Variants in TEX15 observed in about 807,000 individuals in gnomAD.
TEX15 encodes the protein testis-expressed protein 15.
In TEX15, 171 loss-of-function variants were observed where a neutral mutation model predicts 237.3. The observed-to-expected ratio is 0.72, with a 90% confidence interval of 0.64 to 0.82. The LOEUF (loss-of-function observed/expected upper bound fraction) is 0.82. TEX15 is among the 40% of genes least tolerant of loss of function. TEX15 has a pLI of 0.00. For synonymous variants in TEX15, 1,338 were observed against 1,269.8 expected (o/e 1.05, Z -1.14); for missense variants, 3,750 against 3,646.5 (o/e 1.03, Z -0.73).
chr8:30,871,799 A>C (rs1312056752), intron 4 of TEX15, among the ~76,000 whole-genome samples: 1 of 152,140 alleles, frequency 6.6e-6, no homozygotes, highest in Non-Finnish European at 1.5e-5. Context: ...CACATGGATG[A>C]AATGCCTTCA....
In TEX15 at chr8:30,845,827, GA is replaced by G; in HGVS notation, c.4339del (p.Ser1447ArgfsTer23). 2 of 1,606,562 alleles carry G rather than the reference GA, an allele frequency of 1.2e-6. No individual in the cohort carries two copies. Among genetic ancestry groups the G allele is most frequent in the South Asian group, 2.3e-5 (2 of 88,822 alleles). On this transcript the variant is annotated frameshift_variant, in exon 8 of 11. Coordinates refer to ENST00000643185, the MANE Select transcript of TEX15 (RefSeq NM_001350162.2). LOFTEE classifies it high-confidence loss of function. ...CCGTTTGTCATATTTTCTTTTTGAC[GA>G]AAAATGCTTAGTAGAATAATATTTT... is the stretch of plus-strand genomic sequence containing the variant. ...QRKYYSTKHF[S>X]SKRKYDKRRK...
intron 7 of TEX15, 36 bp from the exon 8 acceptor site, chr8:30,849,352 A>G (rs1807715693): frequency 2.2e-6 from 3 of 1,346,470 alleles, no homozygotes; most frequent in African/African-American, 1.5e-5. Context: ...TTTGAAAAAA[A>G]GTGTTTCTAT....
rs775115572 is a variant in TEX15 at position 30,860,012 on chromosome 8, T to G, written c.586A>C (p.Asn196His). 75 of 1,509,532 alleles carry G rather than the reference T, an allele frequency of 5.0e-5. 1 individual carries two copies. The South Asian group carries it at 9.4e-4, about 19-fold the overall frequency. The allele number at this position is 1,509,532 out of a possible 1,614,324, so 93.5% of individuals were successfully genotyped here. A position where few individuals can be genotyped will look rare whatever the true frequency, so the allele number is the denominator to read the frequency against. The change falls in exon 6 of 11, where the codon AAT (asparagine) becomes CAT (histidine). Residue 196 changes from asparagine (N) to histidine (H), a missense_variant. By Grantham distance (68) the Asn-to-His change is moderately conservative. Transcript: ENST00000643185. ...GGAGAAGGATCCAAAGAAACTTTAT[T>G]TTTATCCACAGAAGGTTGGATTTTC... The part of the protein sequence containing the change: ...VKKIQPSVDK[N>H]KVSLDPSPNF...
At chr8:30,909,360 G>C (rs1585320515) in intron 1 of TEX15, among the ~76,000 whole-genome samples, 1 of 150,860 alleles carries the variant, frequency 6.6e-6, no homozygotes, top group Non-Finnish European at 1.5e-5. Flanking sequence ...AACTGCATCT[G>C]TGCCAAAGTC....
At position 30,864,936 on chromosome 8, in the gene TEX15, A is replaced by G. The variant is rs555978410; in HGVS notation, c.540+2329T>C. The stretch of plus-strand genomic sequence containing the variant: ...TTTTAAATAACTTGTTTTAACTACA[A>G]AATGTGTTTTGTAAGCCTTAGGGTA... On this transcript the variant is annotated intron_variant, in intron 5 of 10. Transcript: ENST00000643185. 1.4e-3 allele frequency among the ~76,000 whole-genome samples: 209 copies of G among 152,264 alleles called. 2 individuals are homozygous for G. The highest frequency in any genetic ancestry group is 4.1e-4 in the Non-Finnish European group (28 of 67,994).
At position 30,891,499 on chromosome 8, in the gene TEX15, C is replaced by T. The variant is rs558294021; in HGVS notation, c.-9-4188G>A. Among the ~76,000 whole-genome samples, 511 of 148,360 alleles carry T rather than the reference C, an allele frequency of 3.4e-3. 6 individuals are homozygous for T. The highest frequency in any genetic ancestry group is 0.021 in the South Asian group (96 of 4,602). ...TCCCCGCACCCCCCCTTTTTTTTTT[C>T]GACAATGTCTTGCTCTGTTGCCTGG... On this transcript the variant is annotated intron_variant, in intron 2 of 10. Coordinates refer to ENST00000643185, the MANE Select transcript of TEX15 (RefSeq NM_001350162.2).
chr8:30,838,707 C>CACACACACATATAT (rs1807367822), intron 9 of TEX15, among the ~76,000 whole-genome samples: 1 of 146,744 alleles, frequency 6.8e-6, no homozygotes, highest in Non-Finnish European at 1.5e-5. Flanking sequence ...TACACACACA[C>CACACACACATATAT]ACACACACAC....
chr8:30,857,540 T>C (rs371914469), intron 7 of TEX15, among the ~76,000 whole-genome samples: 2 of 152,100 alleles, frequency 1.3e-5, no homozygotes, highest in African/African-American at 2.4e-5. Context: ...ATATCCAATA[T>C]GTAAAAGAAT....
chr8:30,851,401 G>A (rs954098226), intron 7 of TEX15, among the ~76,000 whole-genome samples: 2 of 152,126 alleles, frequency 1.3e-5, no homozygotes, highest in South Asian at 2.1e-4. Flanking sequence ...AGGCGGAGGC[G>A]GGCAGATCAC....
intron 9 of TEX15, 106 bp from the exon 10 acceptor site, chr8:30,838,167 G>A (rs1219981596): frequency 7.7e-6 from 8 of 1,037,450 alleles, no homozygotes; most frequent in African/African-American, 6.6e-5. Context: ...GAGTTCTTAA[G>A]CTTTACGTTT....
rs1266021477 is a variant in TEX15, at chr8:30,842,602, A to G, written c.7565T>C (p.Leu2522Pro). Residue 2522 changes from leucine (L) to proline (P), a missense_variant, in exon 8 of 11, where the codon CTG (leucine) becomes CCG (proline). Physicochemically the swap from Leu to Pro is moderately conservative, Grantham distance 98. Coordinates refer to ENST00000643185, the MANE Select transcript of TEX15 (RefSeq NM_001350162.2). ...ETAVSELKKDLDIICKYNEAV... is the reference protein window; with the variant it reads ...ETAVSELKKDPDIICKYNEAV... ...TTCATTATATTTGCAGATAATATCC[A>G]GATCTTTCTTAAGTTCGGAAACAGC... 1 of 1,611,264 alleles carries G rather than the reference A, an allele frequency of 6.2e-7. No homozygotes were observed. The highest frequency in any genetic ancestry group is 1.7e-5 in the Admixed American group (1 of 59,944).
At position 30,842,249 on chromosome 8, in the gene TEX15, G is replaced by A; in HGVS notation, c.7918C>T (p.Gln2640Ter). 6.2e-7 allele frequency: 1 copy of A among 1,613,246 alleles called. No individual in the cohort carries two copies. Among genetic ancestry groups the A allele is most frequent in the Non-Finnish European group, 8.5e-7 (1 of 1,179,594 alleles). ...AELTISFFLC[Q>*]MLYNRRKILQ... Reference sequence around the variant, plus strand: ...ATCTTCCTTCTGTTATACAGCATTTGGCATAGGAAAAAGGAAATGGTTAGT... The same window carrying A: ...ATCTTCCTTCTGTTATACAGCATTTAGCATAGGAAAAAGGAAATGGTTAGT... The change falls in exon 8 of 11, where the codon CAA (glutamine) becomes TAA (stop). Residue 2640 changes from glutamine to a stop codon, truncating the protein, a stop_gained. Coordinates refer to ENST00000643185, the MANE Select transcript of TEX15 (RefSeq NM_001350162.2). LOFTEE classifies it high-confidence loss of function.
Position 30,839,979 on chromosome 8 carries a change from T to C in TEX15, c.8164-15A>G, listed in dbSNP as rs376455400. The C allele has an allele frequency of 3.4e-5, 52 of 1,545,012 alleles. No homozygotes were observed. Among genetic ancestry groups the C allele is most frequent in the Admixed American group, 9.4e-5 (5 of 53,310 alleles). Reference sequence around the variant, plus strand: ...TTCATGTCTACCTGTGTTTAAAAGATACAAAGAAAATCTTCATTAGTGATG... The same window carrying C: ...TTCATGTCTACCTGTGTTTAAAAGACACAAAGAAAATCTTCATTAGTGATG... On this transcript the variant is annotated splice_polypyrimidine_tract_variant and intron_variant, in intron 8 of 10. Transcript: ENST00000643185.
At chr8:30,863,145 T>C (rs1346721229) in intron 5 of TEX15, among the ~76,000 whole-genome samples, 15 of 152,194 alleles carry the variant, frequency 9.9e-5, no homozygotes. Context: ...TTTTGAATTT[T>C]TTCAAATTTC....
chr8:30,912,397 G>T (rs1466583154), intron 1 of TEX15, among the ~76,000 whole-genome samples: 1 of 145,138 alleles, frequency 6.9e-6, no homozygotes, highest in Non-Finnish European at 1.5e-5. Context: ...CGCGCCCTGC[G>T]CAACGCGGCT....
rs1182771741 is a variant in TEX15 at position 30,847,009 on chromosome 8, T to C, written c.3158A>G (p.Gln1053Arg). 1.2e-5 allele frequency: 19 copies of C among 1,613,380 alleles called. No homozygotes were observed. Among genetic ancestry groups the C allele is most frequent in the Non-Finnish European group, 1.5e-5 (18 of 1,179,454 alleles). The stretch of plus-strand genomic sequence containing the variant: ...AATTTCACTTTCCAATTCAATGCTC[T>C]GAAGAACTAAGTTCTCATTTATTGA... ...HQSINENLVLQSIELESEIEI... is the reference protein window; with the variant it reads ...HQSINENLVLRSIELESEIEI... Residue 1053 changes from glutamine to arginine, a missense_variant, in exon 8 of 11, where the codon CAG becomes CGG. Transcript: ENST00000643185.
chr8:30,867,966 T>C (rs926718400), intron 4 of TEX15, among the ~76,000 whole-genome samples: 1 of 152,092 alleles, frequency 6.6e-6, no homozygotes, highest in African/African-American at 2.4e-5. Context: ...AGCTCACATT[T>C]TTTGTTAATT....
chr8:30,855,541 T>C (rs6991566), intron 7 of TEX15, among the ~76,000 whole-genome samples: 31,174 of 152,096 alleles, frequency 0.2, 4,293 homozygotes, highest in African/African-American at 0.37. Context: ...GGCAGTTCCT[T>C]GATTAGTTAC....
At chr8:30,882,509 A>G (rs1454727054) in intron 3 of TEX15, among the ~76,000 whole-genome samples, 2 of 151,968 alleles carry the variant, frequency 1.3e-5, no homozygotes, top group African/African-American at 4.8e-5. Context: ...GATGGTCCCA[A>G]TCTCCTGACC....
Sources: gnomAD v4.1 joint callset for allele counts (sites outside exome capture counted in the v4.1 genomes callset) on GRCh38, gnomAD v4.1.1 for gene constraint, MANE v1.5 for transcripts, NCBI Gene and HGNC (gene_info 2026-07-23, HGNC 2026-07-21) for gene names.